Variants in STX8 observed in about 807,000 individuals in gnomAD.
STX8 encodes the protein syntaxin-8.
In STX8, 23 loss-of-function variants were observed where a neutral mutation model predicts 37.5. That is an observed-to-expected ratio of 0.61 (90% CI 0.44 to 0.87). The LOEUF is 0.87. STX8 is among the 40% of genes least tolerant of loss of function. The pLI is 0.00. For missense variants in STX8, 313 were observed against 284.7 expected (o/e 1.10, Z -0.71); for synonymous variants, 115 against 99.1 (o/e 1.16, Z -0.95).
chr17:9,428,245 G>C (rs1326285589), intron 6 of STX8, among the ~76,000 whole-genome samples: 2 of 150,560 alleles, frequency 1.3e-5, no homozygotes, highest in Non-Finnish European at 2.9e-5. Flanking sequence ...CTTTTGTTTT[G>C]TTTTGTTTTG....
At position 9,561,976 on chromosome 17, in the gene STX8, C is replaced by T. The variant is rs564263486; in HGVS notation, c.118-4448G>A. On this transcript the variant is annotated intron_variant, in intron 2 of 7. Transcript: ENST00000306357. ...ACTAGTTAAATAGATAGCAGCCCTT[C>T]GTGTAAAAGATGAAACCATATATTT... Among the ~76,000 whole-genome samples the T allele has an allele frequency of 1.2e-4, 18 of 151,766 alleles. No homozygotes were observed. The South Asian group carries it at 1.7e-3, about 14-fold the overall frequency.
intron 6 of STX8, among the ~76,000 whole-genome samples, chr17:9,488,281 G>A (rs190571179): frequency 2.0e-5 from 3 of 150,372 alleles, no homozygotes; most frequent in African/African-American, 4.9e-5. Flanking sequence ...AGCCGAGATC[G>A]CACCACTGCA....
At chr17:9,362,687 T>A (rs1484242710) in intron 7 of STX8, among the ~76,000 whole-genome samples, 1 of 151,868 alleles carries the variant, frequency 6.6e-6, no homozygotes, top group African/African-American at 2.4e-5. Context: ...CCAGGCGTGG[T>A]GGCGGGCGCC....
At chr17:9,434,961 A>G (rs762204261) in intron 6 of STX8, among the ~76,000 whole-genome samples, 6 of 152,132 alleles carry the variant, frequency 3.9e-5, no homozygotes, top group Non-Finnish European at 8.8e-5. Flanking sequence ...CCTTTATGTT[A>G]ATGAGCAGTG....
chr17:9,518,248 A>G (rs897045631), intron 4 of STX8, among the ~76,000 whole-genome samples: 1 of 151,844 alleles, frequency 6.6e-6, no homozygotes, highest in African/African-American at 2.4e-5. Flanking sequence ...CACGACCAAA[A>G]TCTTCTCACT....
chr17:9,477,789 G>A (rs1293792166), intron 6 of STX8, among the ~76,000 whole-genome samples: 1 of 152,206 alleles, frequency 6.6e-6, no homozygotes, highest in African/African-American at 2.4e-5. Flanking sequence ...TGTAAACTTA[G>A]GTATGCATGT....
intron 5 of STX8, among the ~76,000 whole-genome samples, chr17:9,495,978 A>G (rs1265196262): frequency 6.6e-6 from 1 of 152,188 alleles, no homozygotes; most frequent in Non-Finnish European, 1.5e-5. Flanking sequence ...GCTTGAGCCC[A>G]GAAGTTCAAG....
chr17:9,481,936 C>G (rs952877420), intron 6 of STX8, among the ~76,000 whole-genome samples: 2 of 152,192 alleles, frequency 1.3e-5, no homozygotes, highest in African/African-American at 4.8e-5. Context: ...CATGGAAAAA[C>G]TGTCTTCCAC....
intron 7 of STX8, among the ~76,000 whole-genome samples, chr17:9,255,801 T>G (rs1249831893): frequency 6.6e-6 from 1 of 152,210 alleles, no homozygotes; most frequent in Non-Finnish European, 1.5e-5. Context: ...CGTTTTAAGA[T>G]GGCAGGTGAC....
At chr17:9,538,807 G>A (rs935926169) in intron 4 of STX8, among the ~76,000 whole-genome samples, 12 of 151,874 alleles carry the variant, frequency 7.9e-5, no homozygotes, top group Admixed American at 2.6e-4. Flanking sequence ...CTGCAGCTGA[G>A]TTAATCACAT....
At chr17:9,374,786 G>C (rs987751020) in intron 7 of STX8, among the ~76,000 whole-genome samples, 1 of 152,050 alleles carries the variant, frequency 6.6e-6, no homozygotes, top group African/African-American at 2.4e-5. Context: ...TAAAGAGGTT[G>C]GGCGCGGTGG....
chr17:9,436,326 A>G (rs1413134358), intron 6 of STX8, among the ~76,000 whole-genome samples: 1 of 150,968 alleles, frequency 6.6e-6, no homozygotes, highest in Non-Finnish European at 1.5e-5. Context: ...GCTTGGGCGC[A>G]ACAGAGCAAG....
chr17:9,269,581 C>T (rs1907375491), intron 7 of STX8, among the ~76,000 whole-genome samples: 1 of 152,204 alleles, frequency 6.6e-6, no homozygotes, highest in African/African-American at 2.4e-5. Flanking sequence ...ATCCACTCTT[C>T]TGGAAAAAAG....
intron 4 of STX8, among the ~76,000 whole-genome samples, chr17:9,527,526 A>G (rs1313696123): frequency 1.3e-5 from 2 of 152,252 alleles, no homozygotes; most frequent in African/African-American, 4.8e-5. Flanking sequence ...CCGTTTATTC[A>G]GAAACTGGAG....
intron 5 of STX8, among the ~76,000 whole-genome samples, chr17:9,499,784 C>T (rs768697689): frequency 1.2e-4 from 19 of 152,174 alleles, no homozygotes; most frequent in South Asian, 6.2e-4. Flanking sequence ...CAAACTCCAC[C>T]CACACCCCAC....
intron 7 of STX8, among the ~76,000 whole-genome samples, chr17:9,269,101 G>A (rs1002017037): frequency 3.3e-5 from 5 of 150,108 alleles, no homozygotes; most frequent in Non-Finnish European, 4.5e-5. Context: ...GCAGGAGAAT[G>A]GCGTGAACCC....
chr17:9,257,004 C>T (rs983349206), intron 7 of STX8, among the ~76,000 whole-genome samples: 1 of 152,240 alleles, frequency 6.6e-6, no homozygotes, highest in Admixed American at 6.5e-5. Context: ...CACAGAACAC[C>T]TGCTGCGGCT....
intron 4 of STX8, among the ~76,000 whole-genome samples, chr17:9,544,094 G>C (rs1021194625): frequency 3.3e-5 from 5 of 152,048 alleles, no homozygotes; most frequent in African/African-American, 1.2e-4. Flanking sequence ...GCACGGCTAG[G>C]GTCCAAAACC....
At chr17:9,479,806 C>T (rs1906242632) in intron 6 of STX8, among the ~76,000 whole-genome samples, 1 of 144,112 alleles carries the variant, frequency 6.9e-6, no homozygotes, top group Non-Finnish European at 1.5e-5. Flanking sequence ...CTAACCCCCG[C>T]CTCCTGCCAG....
Sources: gnomAD v4.1 joint callset for allele counts (sites outside exome capture counted in the v4.1 genomes callset) on GRCh38, gnomAD v4.1.1 for gene constraint, MANE v1.5 for transcripts, NCBI Gene and HGNC (gene_info 2026-07-23, HGNC 2026-07-21) for gene names.